The following MIPOL1 variants were observed in gnomAD, a reference collection of about 807,000 sequenced individuals.
MIPOL1 encodes the protein mirror-image polydactyly gene 1 protein.
MIPOL1 carries 57 observed loss-of-function variants against 60.9 expected under a neutral mutation model. That is an observed-to-expected ratio of 0.94 (90% CI 0.76 to 1.17). MIPOL1 has a LOEUF of 1.17. MIPOL1 is among the 50% of genes most tolerant of loss of function. The probability of loss-of-function intolerance (pLI) is 0.00; values close to 1 mark genes in which losing one functional copy is unlikely to be tolerated. For missense variants in MIPOL1, 551 were observed against 511.6 expected (o/e 1.08, Z -0.74); for synonymous variants, 179 against 168.8 (o/e 1.06, Z -0.47).
At chr14:37,463,287 C>A (rs1417974447) in intron 11 of MIPOL1, among the ~76,000 whole-genome samples, 2 of 152,162 alleles carry the variant, frequency 1.3e-5, no homozygotes, top group Non-Finnish European at 2.9e-5. Context: ...AAAGACCCAC[C>A]CCCGTAACTT....
rs1183277585 is a variant in MIPOL1 at position 37,267,069 on chromosome 14, T to A, written c.151T>A (p.Cys51Ser). 1 of 1,614,006 alleles carries A rather than the reference T, an allele frequency of 6.2e-7. No homozygotes were observed. ...KSTELVNEIT[C>S]ENTEWPGQRS... is the part of the protein sequence containing the mutation. ...CACTGAATTAGTTAATGAAATAACA[T>A]GTGAGAACACAGAATGGCCAGGGCA... is the stretch of plus-strand genomic sequence containing the variant. The change falls in exon 4 of 13, where the codon TGT becomes AGT. Residue 51 changes from cysteine (C) to serine (S), a missense_variant. Physicochemically the swap from Cys to Ser is moderately radical, Grantham distance 112. Coordinates refer to ENST00000684589, the MANE Select transcript of MIPOL1 (RefSeq NM_001388067.1).
At chr14:37,500,678 T>C (rs2095203300) in intron 12 of MIPOL1, among the ~76,000 whole-genome samples, 1 of 152,184 alleles carries the variant, frequency 6.6e-6, no homozygotes, top group South Asian at 2.1e-4. Flanking sequence ...AGAATTTAAA[T>C]AAAGCTGCAT....
chr14:37,260,132 G>A (rs921263242), intron 3 of MIPOL1, among the ~76,000 whole-genome samples: 1 of 151,622 alleles, frequency 6.6e-6, no homozygotes, highest in Non-Finnish European at 1.5e-5. Flanking sequence ...CTGGCCAGAT[G>A]CGTTAGCTTA....
intron 11 of MIPOL1, among the ~76,000 whole-genome samples, chr14:37,431,626 T>C (rs1386882973): frequency 8.4e-6 from 1 of 118,456 alleles, no homozygotes; most frequent in Admixed American, 1.2e-4. Context: ...TCGCCCAGGC[T>C]GGAGTGCAGT....
At chr14:37,452,643 A>G (rs2094436087) in intron 11 of MIPOL1, among the ~76,000 whole-genome samples, 2 of 152,232 alleles carry the variant, frequency 1.3e-5, no homozygotes. Context: ...CATAGTTGTT[A>G]TCTTTATTGT....
At chr14:37,435,108 C>A (rs2094143193) in intron 11 of MIPOL1, among the ~76,000 whole-genome samples, 1 of 152,108 alleles carries the variant, frequency 6.6e-6, no homozygotes, top group Admixed American at 6.5e-5. Context: ...AATTTTATGA[C>A]CCCAGATGTA....
At chr14:37,226,319 C>A (rs1288566632) in intron 1 of MIPOL1, among the ~76,000 whole-genome samples, 3 of 152,164 alleles carry the variant, frequency 2.0e-5, no homozygotes, top group Admixed American at 2.0e-4. Context: ...CAAGACTGGG[C>A]AATTTACAAA....
At chr14:37,551,532 G>A (rs1197580924), downstream of MIPOL1, 1 of 151,912 alleles carries the variant, frequency 6.6e-6, no homozygotes, top group South Asian at 2.1e-4. Flanking sequence ...ATCATTTTTA[G>A]TGAATATGGT....
intron 11 of MIPOL1, among the ~76,000 whole-genome samples, chr14:37,481,079 T>G (rs1479162921): frequency 1.3e-5 from 2 of 152,098 alleles, no homozygotes; most frequent in East Asian, 1.9e-4. Flanking sequence ...AGTACAAGGT[T>G]ACAGTGAACT....
intron 10 of MIPOL1, among the ~76,000 whole-genome samples, chr14:37,412,158 G>A (rs1176837557): frequency 6.6e-6 from 1 of 152,010 alleles, no homozygotes; most frequent in Non-Finnish European, 1.5e-5. Flanking sequence ...CATCTCAAAT[G>A]AAACAATGTA....
At chr14:37,489,763 G>C (rs1446929182) in intron 11 of MIPOL1, among the ~76,000 whole-genome samples, 1 of 152,132 alleles carries the variant, frequency 6.6e-6, no homozygotes, top group Non-Finnish European at 1.5e-5. Context: ...CTGTTTGCCT[G>C]GGTATCACCA....
At chr14:37,442,130 GT>G (rs2094257960) in intron 11 of MIPOL1, among the ~76,000 whole-genome samples, 2 of 133,992 alleles carry the variant, frequency 1.5e-5, no homozygotes, top group Non-Finnish European at 3.2e-5. Flanking sequence ...GTGTGTGTGT[GT>G]CTATTGTAAA....
At chr14:37,471,134 T>C (rs1262019403) in intron 11 of MIPOL1, among the ~76,000 whole-genome samples, 2 of 152,288 alleles carry the variant, frequency 1.3e-5, no homozygotes, top group African/African-American at 4.8e-5. Context: ...AGTAACATCA[T>C]TGGAACACTT....
intron 12 of MIPOL1, among the ~76,000 whole-genome samples, chr14:37,535,908 C>A (rs1437452602): frequency 6.6e-6 from 1 of 151,004 alleles, no homozygotes. Context: ...TTGTCCCTTT[C>A]TTTTCTTTTG....
intron 1 of MIPOL1, chr14:37,240,716 T>G (rs1594680049): frequency 6.6e-6 from 1 of 152,272 alleles, no homozygotes; most frequent in Middle Eastern, 3.4e-3. Context: ...ACAATTTTGC[T>G]TTTTATCAGT....
intron 12 of MIPOL1, among the ~76,000 whole-genome samples, chr14:37,520,385 G>A (rs539840724): frequency 6.6e-6 from 1 of 152,246 alleles, no homozygotes; most frequent in African/African-American, 2.4e-5. Flanking sequence ...TTAAAGTTTA[G>A]TATCTGCCTA....
chr14:37,270,871 C>T (rs1363909696), intron 6 of MIPOL1, among the ~76,000 whole-genome samples: 1 of 151,970 alleles, frequency 6.6e-6, no homozygotes, highest in Non-Finnish European at 1.5e-5. Context: ...AGTTCAAATA[C>T]CACTTATTGT....
intron 9 of MIPOL1, among the ~76,000 whole-genome samples, chr14:37,351,014 C>T (rs2091314340): frequency 6.7e-6 from 1 of 148,214 alleles, no homozygotes; most frequent in Non-Finnish European, 1.5e-5. Flanking sequence ...CCCACTAACT[C>T]ATCATCTAGC....
chr14:37,471,081 C>T (rs1048374098), intron 11 of MIPOL1, among the ~76,000 whole-genome samples: 1 of 152,120 alleles, frequency 6.6e-6, no homozygotes, highest in African/African-American at 2.4e-5. Context: ...CACATGTACT[C>T]ACTGAATCTA....
Sources: gnomAD v4.1 joint callset for allele counts (sites outside exome capture counted in the v4.1 genomes callset) on GRCh38, gnomAD v4.1.1 for gene constraint, MANE v1.5 for transcripts, NCBI Gene and HGNC (gene_info 2026-07-23, HGNC 2026-07-21) for gene names.